ZNF558: variants seen among roughly 807,000 people sequenced by gnomAD.
The protein encoded by ZNF558 is zinc finger protein 558.
In ZNF558, 23 loss-of-function variants were observed where a neutral mutation model predicts 37.6. The ratio of observed to expected loss-of-function variants is 0.61; its 90% CI spans 0.44 to 0.87. ZNF558 has a LOEUF of 0.87. Among genes scored for constraint, ZNF558 ranks in the 40% least tolerant of loss-of-function variants. ZNF558 has a pLI of 0.00. For synonymous variants in ZNF558, 189 were observed against 174.4 expected, an observed-to-expected ratio of 1.08 and a Z score of -0.66; for missense variants, 429 against 483.7, an observed-to-expected ratio of 0.89 and a Z score of 1.06.
chr19:8,837,416 G>A, the ZNF558 span, among the ~76,000 whole-genome samples: 1 of 152,300 alleles, frequency 6.6e-6, no homozygotes, highest in East Asian at 1.9e-4. Flanking sequence ...TTACAATCGG[G>A]ATATATTGTT....
chr19:8,807,608 T>C lies in ZNF558; in HGVS notation c.*3673A>G, dbSNP rs1374766919. ...GGGCCTTTGCATGCCAACACTACTC[T>C]TGCAAGACAAATTCATATGACTCAC... On this transcript the variant is annotated 3_prime_UTR_variant, in exon 10 of 10. Coordinates refer to ENST00000601372, the MANE Select transcript of ZNF558 (RefSeq NM_144693.3). 4 of 152,180 alleles carry C rather than the reference T, an allele frequency of 2.6e-5. No individual in the cohort carries two copies. The highest frequency in any genetic ancestry group is 4.4e-5 in the Non-Finnish European group (3 of 68,042). The allele number at this position is 152,180 out of a possible 1,614,324, so 9.4% of individuals were successfully genotyped here. A position where few individuals can be genotyped will look rare whatever the true frequency, so the allele number is the denominator to read the frequency against.
At chr19:8,815,023 T>G (rs757517309) in intron 7 of ZNF558, among the ~76,000 whole-genome samples, 9 of 148,196 alleles carry the variant, frequency 6.1e-5, no homozygotes, top group Non-Finnish European at 1.2e-4. Flanking sequence ...AAAAGTCTGA[T>G]TCCCAAATTG....
At chr19:8,835,233 G>T (rs181345701), upstream of ZNF558, among the ~76,000 whole-genome samples, 2 of 152,012 alleles carry the variant, frequency 1.3e-5, no homozygotes, top group Non-Finnish European at 2.9e-5. Flanking sequence ...TGTATTTTTA[G>T]CAGAGAGAGG....
chr19:8,817,737 AAC>A (rs769232374), intron 7 of ZNF558, among the ~76,000 whole-genome samples: 3 of 152,206 alleles, frequency 2.0e-5, no homozygotes, highest in Non-Finnish European at 4.4e-5. Context: ...ATTGTTATAA[AAC>A]AGAGAAAGAC....
intron 7 of ZNF558, among the ~76,000 whole-genome samples, chr19:8,816,337 A>G (rs1015477707): frequency 2.6e-5 from 4 of 152,214 alleles, no homozygotes; most frequent in South Asian, 2.1e-4. Flanking sequence ...TGTTGGGATT[A>G]TAGGCGTGAA....
In ZNF558 at chr19:8,810,343, T is replaced by G. The variant is rs2043754014; in HGVS notation, c.*938A>C. The G allele has an allele frequency of 6.6e-6, 1 of 152,220 alleles. No homozygotes were observed. Among genetic ancestry groups the G allele is most frequent in the East Asian group, 1.9e-4 (1 of 5,196 alleles). 9.4% of individuals were successfully genotyped at this position (152,220 alleles called of 1,614,324 possible). On this transcript the variant is annotated 3_prime_UTR_variant, in exon 10 of 10. Coordinates refer to ENST00000601372, the MANE Select transcript of ZNF558 (RefSeq NM_144693.3). ...CGCATTTCTGAGTGTTGTTCCATTG[T>G]GTGATTTCCAGTGCGTCTTAAGGGA...
chr19:8,822,619 C>G lies in ZNF558; in HGVS notation c.31+10G>C. On this transcript the variant is annotated intron_variant, in intron 5 of 9. Coordinates refer to ENST00000601372, the MANE Select transcript of ZNF558 (RefSeq NM_144693.3). This position sits in a 1 kb window ranked among gnomAD's most constrained non-coding sequence, Gnocchi z 4.4. ...TGGACTCTGAGAAATGTCAGGACCC[C>G]ACGACTCACCAGCAGTCGAGGGCAG... is the stretch of plus-strand genomic sequence containing the variant. 2 of 1,614,082 alleles carry G rather than the reference C, an allele frequency of 1.2e-6. No homozygotes were observed. The highest frequency in any genetic ancestry group is 1.7e-6 in the Non-Finnish European group (2 of 1,179,992).
At chr19:8,832,338 T>C (rs906019574), upstream of ZNF558, 2 of 152,128 alleles carry the variant, frequency 1.3e-5, no homozygotes, top group Admixed American at 6.5e-5. Flanking sequence ...TGGGGAGAGG[T>C]GCGCTGCACG....
rs184894371 is a variant in ZNF558, at chr19:8,809,513, G to A, written c.*1768C>T. Reference sequence around the variant, plus strand: ...ACAGTATTTGGCATACCAAGATAGAGAGAAAATAATCAGTATCATAAAGCT... The same window carrying A: ...ACAGTATTTGGCATACCAAGATAGAAAGAAAATAATCAGTATCATAAAGCT... On this transcript the variant is annotated 3_prime_UTR_variant, in exon 10 of 10. Transcript: ENST00000601372. 5 of 152,252 alleles carry A rather than the reference G, an allele frequency of 3.3e-5. No individual in the cohort carries two copies. In the East Asian group the frequency reaches 9.6e-4, roughly 29 times the overall value. The allele number at this position is 152,252 out of a possible 1,614,324, so 9.4% of individuals were successfully genotyped here.
At chr19:8,817,490 T>A (rs983510947) in intron 7 of ZNF558, among the ~76,000 whole-genome samples, 1 of 152,190 alleles carries the variant, frequency 6.6e-6, no homozygotes, top group Non-Finnish European at 1.5e-5. Context: ...TAGGCTAGGC[T>A]AACTTATGAT....
At chr19:8,813,483 C>T (rs2043851098) in intron 7 of ZNF558, among the ~76,000 whole-genome samples, 3 of 152,148 alleles carry the variant, frequency 2.0e-5, no homozygotes, top group Non-Finnish European at 4.4e-5. Flanking sequence ...CTCAGCCTCC[C>T]AAGTAGTTGG....
chr19:8,820,718 C>A (rs563606217), intron 7 of ZNF558, among the ~76,000 whole-genome samples: 4 of 152,102 alleles, frequency 2.6e-5, no homozygotes, highest in African/African-American at 9.7e-5. Context: ...CCTCGTGATC[C>A]GCCCGCCTCG....
chr19:8,837,735 C>T, the ZNF558 span, among the ~76,000 whole-genome samples: 3 of 152,136 alleles, frequency 2.0e-5, no homozygotes, highest in South Asian at 2.1e-4. Flanking sequence ...TAGTCACTTC[C>T]GGCTACCTTA....
rs1266274717 is a variant in ZNF558, at chr19:8,809,425, GAAC to G, written c.*1853_*1855del. 18 of 152,124 alleles carry G rather than the reference GAAC, an allele frequency of 1.2e-4. No homozygotes were observed. The highest frequency in any genetic ancestry group is 1.2e-3 in the Admixed American group (18 of 15,266). The allele number at this position is 152,124 out of a possible 1,614,324, so 9.4% of individuals were successfully genotyped here. A position where few individuals can be genotyped will look rare whatever the true frequency, so the allele number is the denominator to read the frequency against. ...TTTCGATATTGTTCACAGACAACTT[GAAC>G]AACATGTTTGTTTCTTTAAACGAAT... On this transcript the variant is annotated 3_prime_UTR_variant, in exon 10 of 10. Coordinates refer to ENST00000601372, the MANE Select transcript of ZNF558 (RefSeq NM_144693.3).
Position 8,822,492 on chromosome 19 carries a change from C to G in ZNF558, c.31+137G>C. On this transcript the variant is annotated intron_variant, in intron 5 of 9. Coordinates refer to ENST00000601372, the MANE Select transcript of ZNF558 (RefSeq NM_144693.3). This position sits in a 1 kb window ranked among gnomAD's most constrained non-coding sequence, Gnocchi z 4.4. ...TCCCAAATCCCGAGAGCTGCCCGATCAGACACGGAGGACCTCTGGGCCCCT... is the reference window on the plus strand; with the variant it reads ...TCCCAAATCCCGAGAGCTGCCCGATGAGACACGGAGGACCTCTGGGCCCCT... 8.1e-7 allele frequency: 1 copy of G among 1,230,474 alleles called. No homozygotes were observed. 76.2% of individuals were successfully genotyped at this position (1,230,474 alleles called of 1,614,324 possible). A position where few individuals can be genotyped will look rare whatever the true frequency, so the allele number is the denominator to read the frequency against.
rs369770682 is a variant in ZNF558 at position 8,826,915 on chromosome 19, AG to A, written c.-508-1808del. ...GCTGCAGAACTTCCCTACCCTCTAC[AG>A]GGGGAAGTATCTCCTTTTTCCCCGT... On this transcript the variant is annotated intron_variant, in intron 2 of 9. Coordinates refer to ENST00000601372, the MANE Select transcript of ZNF558 (RefSeq NM_144693.3). Among the ~76,000 whole-genome samples the A allele has an allele frequency of 7.3e-4, 111 of 152,308 alleles. 1 individual carries two copies. The East Asian group carries it at 0.015, about 20-fold the overall frequency.
At chr19:8,835,420 T>A (rs2044445195), upstream of ZNF558, among the ~76,000 whole-genome samples, 2 of 152,122 alleles carry the variant, frequency 1.3e-5, no homozygotes, top group African/African-American at 4.8e-5. Context: ...AATATATACA[T>A]GAAAAGATGC....
intron 2 of ZNF558, among the ~76,000 whole-genome samples, chr19:8,825,335 A>G (rs2044207503): frequency 6.6e-6 from 1 of 152,214 alleles, no homozygotes; most frequent in Admixed American, 6.5e-5. Context: ...GGTTGGTGCA[A>G]AAGTGATTGC....
At chr19:8,819,370 G>A (rs536609680) in intron 7 of ZNF558, among the ~76,000 whole-genome samples, 5 of 151,928 alleles carry the variant, frequency 3.3e-5, no homozygotes, top group Admixed American at 2.6e-4. Context: ...TAGTAGAGAT[G>A]GGGCTTCACT....
Sources: gnomAD v4.1 joint callset for allele counts (sites outside exome capture counted in the v4.1 genomes callset) on GRCh38, gnomAD v4.1.1 for gene constraint, Gnocchi (gnomAD v3.1) non-coding constraint, MANE v1.5 for transcripts, NCBI Gene and HGNC (gene_info 2026-07-23, HGNC 2026-07-21) for gene names.